Variants in RCCD1 observed in about 807,000 individuals in gnomAD.
RCCD1 encodes the protein RCC1 domain-containing protein 1.
Under a neutral mutation model 37.6 loss-of-function variants are expected in RCCD1, and 40 were observed. The ratio of observed to expected loss-of-function variants is 1.06; its 90% CI spans 0.83 to 1.39. The LOEUF (loss-of-function observed/expected upper bound fraction) is 1.39, where lower values mean the gene tolerates loss of function less well. Among genes scored for constraint, RCCD1 ranks in the 40% most tolerant of loss-of-function variants. The probability of loss-of-function intolerance (pLI) is 0.00; values close to 1 mark genes in which losing one functional copy is unlikely to be tolerated. For missense variants in RCCD1, 577 were observed against 517.3 expected, an observed-to-expected ratio of 1.12 and a Z score of -1.12; for synonymous variants, 263 against 230.0, an observed-to-expected ratio of 1.14 and a Z score of -1.30.
In RCCD1 at chr15:90,961,923, G is replaced by GA; in HGVS notation, c.*157dup. On this transcript the variant is annotated 3_prime_UTR_variant, in exon 8 of 8. Transcript: ENST00000394258. Reference sequence around the variant, plus strand: ...CGGTCCTAAACTTGTCTGCACTTTAGAAACACCTGGAGAGCATTGAAAACT... The same window carrying GA: ...CGGTCCTAAACTTGTCTGCACTTTAGAAAACACCTGGAGAGCATTGAAAACT... 1 of 595,132 alleles carries GA rather than the reference G, an allele frequency of 1.7e-6. No individual in the cohort carries two copies. Among genetic ancestry groups the GA allele is most frequent in the Non-Finnish European group, 2.8e-6 (1 of 352,744 alleles). 36.9% of individuals were successfully genotyped at this position (595,132 alleles called of 1,614,324 possible).
chr15:90,958,570 G>C (rs887616405), intron 4 of RCCD1, among the ~76,000 whole-genome samples: 3 of 146,834 alleles, frequency 2.0e-5, no homozygotes, highest in African/African-American at 7.6e-5. Context: ...AGAGGTTGCA[G>C]TGAGCCGAGA....
At position 90,961,901 on chromosome 15, in the gene RCCD1, T is replaced by C; in HGVS notation, c.*132T>C. ...TCCTGCCCTTCACCCTCAAGCACGGTCCTAAACTTGTCTGCACTTTAGAAA... is the reference window on the plus strand; with the variant it reads ...TCCTGCCCTTCACCCTCAAGCACGGCCCTAAACTTGTCTGCACTTTAGAAA... On this transcript the variant is annotated 3_prime_UTR_variant, in exon 8 of 8. Coordinates refer to ENST00000394258, the MANE Select transcript of RCCD1 (RefSeq NM_001017919.2). The C allele has an allele frequency of 2.4e-6, 2 of 831,780 alleles. No homozygotes were observed. The highest frequency in any genetic ancestry group is 3.7e-6 in the Non-Finnish European group (2 of 545,508). The allele number at this position is 831,780 out of a possible 1,614,324, so 51.5% of individuals were successfully genotyped here. A position where few individuals can be genotyped will look rare whatever the true frequency, so the allele number is the denominator to read the frequency against.
Position 90,956,791 on chromosome 15 carries a change from G to A in RCCD1, c.57G>A (p.Gln19=), listed in dbSNP as rs748407007. The A allele has an allele frequency of 1.4e-5, 18 of 1,322,920 alleles. No individual in the cohort carries two copies. The African/African-American group carries it at 2.7e-4, about 20-fold the overall frequency. 81.9% of individuals were successfully genotyped at this position (1,322,920 alleles called of 1,614,324 possible). A position where few individuals can be genotyped will look rare whatever the true frequency, so the allele number is the denominator to read the frequency against. Residue 19 remains glutamine, a synonymous_variant, in exon 2 of 8, where the codon CAG becomes CAA. Coordinates refer to ENST00000394258, the MANE Select transcript of RCCD1 (RefSeq NM_001017919.2). ...GCTTCGGTTTCTGCGGCTTCGGGCA[G>A]GAGCTGGGCTCCGGACGCGGGCGCC... is the stretch of plus-strand genomic sequence containing the variant. The part of the protein sequence containing the change: ...WFGFGFCGFG[Q]ELGSGRGRQV...
At position 90,957,114 on chromosome 15, in the gene RCCD1, T is replaced by C; in HGVS notation, c.168T>C (p.Arg56=). Reference sequence around the variant, plus strand: ...ACCCTGCTCCAATCCGCCCCGCAGGTGGAGGCCGCTTGGAGCTGTCGGGCT... The same window carrying C: ...ACCCTGCTCCAATCCGCCCCGCAGGCGGAGGCCGCTTGGAGCTGTCGGGCT... ...ASWSYTAFVT[R]GGRLELSGSA... is the part of the protein sequence containing the mutation. The change falls in exon 3 of 8, where the codon CGT becomes CGC. Residue 56 remains arginine (R), a splice_region_variant and synonymous_variant. Transcript: ENST00000394258. 2.2e-6 allele frequency: 3 copies of C among 1,343,156 alleles called. No individual in the cohort carries two copies. Among genetic ancestry groups the C allele is most frequent in the Non-Finnish European group, 2.8e-6 (3 of 1,052,764 alleles). The allele number at this position is 1,343,156 out of a possible 1,614,324, so 83.2% of individuals were successfully genotyped here. A position where few individuals can be genotyped will look rare whatever the true frequency, so the allele number is the denominator to read the frequency against.
Position 90,957,694 on chromosome 15 carries a change from C to A in RCCD1, c.648C>A (p.Ala216=). 2 of 1,612,898 alleles carry A rather than the reference C, an allele frequency of 1.2e-6. No individual in the cohort carries two copies. The change falls in exon 4 of 8, where the codon GCC becomes GCA. Residue 216 remains alanine, a synonymous_variant. Coordinates refer to ENST00000394258, the MANE Select transcript of RCCD1 (RefSeq NM_001017919.2). ...ALQGLVMAEV[A]AGGWHSVCVS... Reference sequence around the variant, plus strand: ...AGGGCCTAGTCATGGCTGAGGTGGCCGCGGGGGGCTGGCATTCTGTGTGTG... The same window carrying A: ...AGGGCCTAGTCATGGCTGAGGTGGCAGCGGGGGGCTGGCATTCTGTGTGTG...
Position 90,957,282 on chromosome 15 carries a change from C to A in RCCD1, c.336C>A (p.Ala112=), listed in dbSNP as rs762509539. Residue 112 remains alanine, a synonymous_variant, in exon 3 of 8, where the codon GCC becomes GCA. Coordinates refer to ENST00000394258, the MANE Select transcript of RCCD1 (RefSeq NM_001017919.2). ...ESALRGEPLW[A]QNVVPEAEGE... is the part of the protein sequence containing the mutation. The stretch of plus-strand genomic sequence containing the variant: ...CGCTGCGTGGGGAGCCATTGTGGGC[C>A]CAGAATGTGGTGCCCGAGGCCGAAG... 6.6e-7 allele frequency: 1 copy of A among 1,520,932 alleles called. No individual in the cohort carries two copies. The allele number at this position is 1,520,932 out of a possible 1,614,324, so 94.2% of individuals were successfully genotyped here.
At chr15:90,961,410 G>T (rs1271656150) in intron 7 of RCCD1, 1 of 590,152 alleles carries the variant, frequency 1.7e-6, no homozygotes, top group African/African-American at 1.9e-5. Context: ...GGATAGCAGG[G>T]AAGTCTGGAG....
intron 4 of RCCD1, chr15:90,959,627 T>C (rs897623065): frequency 1.1e-4 from 28 of 264,796 alleles, no homozygotes; most frequent in African/African-American, 6.2e-4. Context: ...GCGGTACTTC[T>C]AGGGATACAT....
chr15:90,961,334 T>G (rs929764636), intron 7 of RCCD1: 5 of 582,046 alleles, frequency 8.6e-6, no homozygotes, highest in Non-Finnish European at 1.5e-5. Flanking sequence ...AAGCAGCTTT[T>G]TGTGGATGTG....
chr15:90,961,950 T>A lies in RCCD1; in HGVS notation c.*181T>A. 2.0e-6 allele frequency: 1 copy of A among 488,124 alleles called. No homozygotes were observed. The highest frequency in any genetic ancestry group is 3.6e-6 in the Non-Finnish European group (1 of 278,390). 30.2% of individuals were successfully genotyped at this position (488,124 alleles called of 1,614,324 possible). A position where few individuals can be genotyped will look rare whatever the true frequency, so the allele number is the denominator to read the frequency against. ...AACACCTGGAGAGCATTGAAAACTCTGCTGCCTAAGGTCAGCATCAATCAA... is the reference window on the plus strand; with the variant it reads ...AACACCTGGAGAGCATTGAAAACTCAGCTGCCTAAGGTCAGCATCAATCAA... On this transcript the variant is annotated 3_prime_UTR_variant, in exon 8 of 8. Transcript: ENST00000394258.
intron 1 of RCCD1, chr15:90,955,343 G>A (rs910805558): frequency 6.6e-6 from 1 of 152,268 alleles, no homozygotes; most frequent in Non-Finnish European, 1.5e-5. Flanking sequence ...GGCGCCCGCT[G>A]GGCGGGAGGC....
rs376739491 is a variant in RCCD1, at chr15:90,961,098, G to T, written c.979+44G>T. 46 of 1,595,622 alleles carry T rather than the reference G, an allele frequency of 2.9e-5. No homozygotes were observed. The African/African-American group carries it at 5.8e-4, about 20-fold the overall frequency. ...TTTGTGACCCTGAAACCAAGGAGAA[G>T]AAAGACCTGGGAGTACAGGGCAGGT... On this transcript the variant is annotated intron_variant, in intron 7 of 7. Coordinates refer to ENST00000394258, the MANE Select transcript of RCCD1 (RefSeq NM_001017919.2).
chr15:90,957,722 A>G lies in RCCD1; in HGVS notation c.676A>G (p.Ser226Gly). 1.9e-6 allele frequency: 3 copies of G among 1,604,758 alleles called. No homozygotes were observed. Among genetic ancestry groups the G allele is most frequent in the Non-Finnish European group, 2.6e-6 (3 of 1,174,974 alleles). ...AAGGWHSVCV[S>G]ETGDIYIWGW... is the part of the protein sequence containing the mutation. The stretch of plus-strand genomic sequence containing the variant: ...GGGGGGCTGGCATTCTGTGTGTGTG[A>G]GTGGTGAGTGACTTAGTGCTTCTCC... Residue 226 changes from serine (S) to glycine (G), a missense_variant, in exon 4 of 8, where the codon AGT becomes GGT. Transcript: ENST00000394258.
At position 90,959,991 on chromosome 15, in the gene RCCD1, A is replaced by T. The variant is rs202026116; in HGVS notation, c.771A>T (p.Ala257=). 1 of 1,612,418 alleles carries T rather than the reference A, an allele frequency of 6.2e-7. No homozygotes were observed. Among genetic ancestry groups the T allele is most frequent in the Non-Finnish European group, 8.5e-7 (1 of 1,179,262 alleles). The change falls in exon 5 of 8, where the codon GCA becomes GCT. Residue 257 remains alanine (A), a synonymous_variant. Coordinates refer to ENST00000394258, the MANE Select transcript of RCCD1 (RefSeq NM_001017919.2). Reference sequence around the variant, plus strand: ...TGGCAGAGGATGGAGAGACTGTCGCAAGGGAAGGTGAGGGTCATCTCGGCT... The same window carrying T: ...TGGCAGAGGATGGAGAGACTGTCGCTAGGGAAGGTGAGGGTCATCTCGGCT... ...RNLAEDGETV[A]REATELNEDG...
chr15:90,957,864 A>C, intron 4 of RCCD1, 139 bp downstream of exon 4: 6 of 1,146,526 alleles, frequency 5.2e-6, no homozygotes, highest in Non-Finnish European at 6.2e-6. Flanking sequence ...TGACTCCTAA[A>C]TGCCTCTCAC....
chr15:90,958,336 C>T (rs1458910474), intron 4 of RCCD1, among the ~76,000 whole-genome samples: 1 of 152,080 alleles, frequency 6.6e-6, no homozygotes, highest in Non-Finnish European at 1.5e-5. Flanking sequence ...AAAAAATTAC[C>T]AATGCCAGGG....
intron 4 of RCCD1, among the ~76,000 whole-genome samples, chr15:90,959,168 T>C (rs1253750769): frequency 1.3e-5 from 2 of 152,146 alleles, no homozygotes; most frequent in Admixed American, 1.3e-4. Context: ...GTGCCTCAGT[T>C]GTGAATAAAA....
chr15:90,956,478 G>A lies in RCCD1; in HGVS notation c.-123-134G>A, dbSNP rs114713456. On this transcript the variant is annotated intron_variant, in intron 1 of 7. Transcript: ENST00000394258. ...TGAGCTTGAGCCAAAAGGGAGGACA[G>A]GGAAAGTGCCTCTAAATATTTGAGC... 1.8e-3 allele frequency: 687 copies of A among 374,042 alleles called. 7 individuals are homozygous for A. The highest frequency in any genetic ancestry group is 0.013 in the African/African-American group (638 of 48,056). 23.2% of individuals were successfully genotyped at this position (374,042 alleles called of 1,614,324 possible).
Position 90,960,414 on chromosome 15 carries a change from C to T in RCCD1, c.865C>T (p.Pro289Ser). The T allele has an allele frequency of 1.9e-6, 3 of 1,613,760 alleles. No individual in the cohort carries two copies. The highest frequency in any genetic ancestry group is 2.5e-6 in the Non-Finnish European group (3 of 1,179,982). The change falls in exon 6 of 8, where the codon CCC becomes TCC. Residue 289 changes from proline (P) to serine (S), a missense_variant. Pro to Ser is a moderately conservative substitution (Grantham distance 74). Transcript: ENST00000394258. ...GAPAPFIAVQ[P>S]FPALLDLPMG... is the part of the protein sequence containing the mutation. The stretch of plus-strand genomic sequence containing the variant: ...CCCTGCCCCCTTCATAGCTGTCCAG[C>T]CCTTCCCGGCATTACTGGATCTCCC...
Sources: gnomAD v4.1 joint callset for allele counts (sites outside exome capture counted in the v4.1 genomes callset) on GRCh38, gnomAD v4.1.1 for gene constraint, MANE v1.5 for transcripts, NCBI Gene and HGNC (gene_info 2026-07-23, HGNC 2026-07-21) for gene names.